Variants in CSGALNACT1 observed in about 807,000 individuals in gnomAD.
The protein encoded by CSGALNACT1 is beta4GalNAcT-1.
In CSGALNACT1, 52 loss-of-function variants were observed where a neutral mutation model predicts 51.0. That is an observed-to-expected ratio of 1.02 (90% confidence interval 0.82 to 1.29). The LOEUF is 1.29. Among genes scored for constraint, CSGALNACT1 ranks in the 50% most tolerant of loss-of-function variants. CSGALNACT1 has a pLI of 0.00. For synonymous variants in CSGALNACT1, 341 were observed against 254.4 expected (o/e 1.34, Z -3.24); for missense variants, 935 against 679.2 (o/e 1.38, Z -4.19).
At chr8:19,639,384 A>G (rs73214666) in intron 1 of CSGALNACT1, among the ~76,000 whole-genome samples, 2,936 of 152,292 alleles carry the variant, frequency 0.019, 52 homozygotes, top group South Asian at 0.045. Context: ...TTTGCTCCCA[A>G]TTTTCCACAG....
intron 3 of CSGALNACT1, among the ~76,000 whole-genome samples, chr8:19,532,818 A>G (rs530575282): frequency 3.6e-4 from 55 of 152,244 alleles, no homozygotes; most frequent in African/African-American, 1.1e-3. Flanking sequence ...ATTCAGATCC[A>G]TCTACACCAA....
At chr8:19,712,967 A>G (rs1244661222) in intron 1 of CSGALNACT1, among the ~76,000 whole-genome samples, 1 of 152,210 alleles carries the variant, frequency 6.6e-6, no homozygotes, top group Non-Finnish European at 1.5e-5. Context: ...CATGGTTACA[A>G]TCTTACCCTC....
intron 1 of CSGALNACT1, among the ~76,000 whole-genome samples, chr8:19,705,959 G>T (rs1399330158): frequency 2.0e-5 from 3 of 152,024 alleles, no homozygotes; most frequent in Non-Finnish European, 4.4e-5. Flanking sequence ...TGTATTACTT[G>T]ATTATCTGAA....
chr8:19,463,783 G>A (rs541837057), intron 4 of CSGALNACT1, among the ~76,000 whole-genome samples: 48 of 152,276 alleles, frequency 3.2e-4, no homozygotes, highest in Admixed American at 2.9e-3. Flanking sequence ...TGAGTTTGGT[G>A]TAATTACTCC....
At chr8:19,466,425 G>C (rs571738670) in intron 4 of CSGALNACT1, among the ~76,000 whole-genome samples, 2 of 152,118 alleles carry the variant, frequency 1.3e-5, no homozygotes, top group African/African-American at 2.4e-5. Context: ...ATCTGTTTAC[G>C]CTTTGCACCA....
chr8:19,519,605 C>A (rs139847127), intron 3 of CSGALNACT1, among the ~76,000 whole-genome samples: 95 of 152,254 alleles, frequency 6.2e-4, no homozygotes, highest in African/African-American at 2.2e-3. Context: ...TCGTGAAGTG[C>A]CAAATCATGC....
At chr8:19,501,509 C>A (rs531336921) in intron 4 of CSGALNACT1, among the ~76,000 whole-genome samples, 2 of 152,290 alleles carry the variant, frequency 1.3e-5, no homozygotes, top group Admixed American at 6.5e-5. Flanking sequence ...CAAAATCAAG[C>A]CTTTTGCATC....
chr8:19,491,586 A>G (rs981524740), intron 4 of CSGALNACT1, among the ~76,000 whole-genome samples: 2 of 152,344 alleles, frequency 1.3e-5, no homozygotes, highest in South Asian at 2.1e-4. Context: ...GAAAAAGTAA[A>G]CAGTTTTTTA....
chr8:19,719,030 A>C (rs2062969601), intron 1 of CSGALNACT1, among the ~76,000 whole-genome samples: 1 of 152,208 alleles, frequency 6.6e-6, no homozygotes, highest in Admixed American at 6.5e-5. Context: ...TGTGTAACAG[A>C]GTCTTTCCCT....
chr8:19,597,994 T>TC (rs2049335591), intron 2 of CSGALNACT1, among the ~76,000 whole-genome samples: 2 of 151,738 alleles, frequency 1.3e-5, no homozygotes, highest in Admixed American at 6.6e-5. Flanking sequence ...CAGCAAAGGC[T>TC]CCCCCCTTAC....
chr8:19,680,046 A>G (rs1212380321), intron 1 of CSGALNACT1, among the ~76,000 whole-genome samples: 1 of 152,150 alleles, frequency 6.6e-6, no homozygotes, highest in Non-Finnish European at 1.5e-5. Flanking sequence ...AGTTTACTTA[A>G]CAAATTACTT....
chr8:19,489,399 A>C (rs917691701), intron 4 of CSGALNACT1, among the ~76,000 whole-genome samples: 1 of 152,076 alleles, frequency 6.6e-6, no homozygotes, highest in Non-Finnish European at 1.5e-5. Flanking sequence ...ATCAAACAAA[A>C]ATTTACTCAT....
In CSGALNACT1 at chr8:19,667,000, AAAGAAAGAAAGAAAGAAAGG is replaced by A. The variant is rs1564385849; in HGVS notation, c.-544+15453_-544+15472del. Among the ~76,000 whole-genome samples, 52 of 21,024 alleles carry A rather than the reference AAAGAAAGAAAGAAAGAAAGG, an allele frequency of 2.5e-3. 1 individual carries two copies. Among genetic ancestry groups the A allele is most frequent in the South Asian group, 3.6e-3 (2 of 556 alleles). The allele number at this position is 21,024 out of a possible 152,430, so 13.8% of individuals were successfully genotyped here. Reference sequence around the variant, plus strand: ...GAAAGAAAGAAAGAAAGAAAGAAAGAAAGAAAGAAAGAAAGAAAGGAAGGAAGGAAGGAAGGAAGGAAGAA... The same window carrying A: ...GAAAGAAAGAAAGAAAGAAAGAAAGAAAGGAAGGAAGGAAGGAAGGAAGAA... On this transcript the variant is annotated intron_variant, in intron 1 of 9. Transcript: ENST00000332246.
chr8:19,614,014 G>A (rs1302319757), intron 1 of CSGALNACT1, among the ~76,000 whole-genome samples: 20 of 152,162 alleles, frequency 1.3e-4, no homozygotes, highest in Admixed American at 1.2e-3. Context: ...GGAAAATGCC[G>A]TGTCAAAGTT....
rs1237781663 is a variant in CSGALNACT1 at position 19,458,660 on chromosome 8, A to G, written c.635-18T>C. 6.2e-6 allele frequency: 10 copies of G among 1,610,294 alleles called. No homozygotes were observed. Among genetic ancestry groups the G allele is most frequent in the Non-Finnish European group, 8.5e-6 (10 of 1,176,580 alleles). ...GTAGATCCCTGTTAAGAGAAAAACA[A>G]GGAAAGATAGTTCTAAAAATTAACC... is the stretch of plus-strand genomic sequence containing the variant. On this transcript the variant is annotated intron_variant, in intron 4 of 9. Transcript: ENST00000454498.
chr8:19,462,154 T>G (rs1470174048), intron 4 of CSGALNACT1, among the ~76,000 whole-genome samples: 1 of 152,250 alleles, frequency 6.6e-6, no homozygotes, highest in Non-Finnish European at 1.5e-5. Context: ...AGGGCCTAAC[T>G]GCAGAGGAGC....
In CSGALNACT1 at chr8:19,466,758, T is replaced by C. The variant is rs1307734550; in HGVS notation, c.635-8116A>G. Among the ~76,000 whole-genome samples, 7 of 152,194 alleles carry C rather than the reference T, an allele frequency of 4.6e-5. No individual in the cohort carries two copies. In the South Asian group the frequency reaches 1.0e-3, roughly 22 times the overall value. The stretch of plus-strand genomic sequence containing the variant: ...ACCCCATGAAATGCAACAGAAATTA[T>C]CTACTTGAAGGCTGTCTTCACATGT... On this transcript the variant is annotated intron_variant, in intron 4 of 9. Transcript: ENST00000454498.
chr8:19,604,399 A>C (rs2051052144), upstream of CSGALNACT1, among the ~76,000 whole-genome samples: 2 of 152,200 alleles, frequency 1.3e-5, no homozygotes. Flanking sequence ...CAACCACAAC[A>C]ATGCTATGGA....
chr8:19,441,268 C>T (rs1395168332), intron 5 of CSGALNACT1, among the ~76,000 whole-genome samples: 3 of 152,228 alleles, frequency 2.0e-5, no homozygotes, highest in Admixed American at 1.3e-4. Flanking sequence ...CAAGTCAATC[C>T]TAAGCCAAAA....
Sources: allele counts gnomAD v4.1 joint callset (sites outside exome capture counted in the v4.1 genomes callset), GRCh38; gene constraint gnomAD v4.1.1; transcripts MANE v1.5; gene names NCBI Gene and HGNC (gene_info 2026-07-23, HGNC 2026-07-21).